Variants in USP9X observed in about 807,000 individuals in gnomAD.
USP9X encodes ubiquitin specific peptidase 9 X-linked.
A neutral mutation model predicts 190.3 loss-of-function variants in USP9X; 7 were observed. That is an observed-to-expected ratio of 0.04 (90% CI 0.02 to 0.07). The LOEUF is 0.07. Among genes scored for constraint, USP9X ranks in the 10% least tolerant of loss-of-function variants. USP9X has a pLI of 1.00. For missense variants in USP9X, 1,010 were observed against 1,916.9 expected (o/e 0.53, Z 8.83); for synonymous variants, 645 against 659.5 (o/e 0.98, Z 0.34).
At chrX:41,149,521 CTG>C (rs1397937443) in intron 12 of USP9X, among the ~76,000 whole-genome samples, 2 of 109,425 alleles carry the variant, frequency 1.8e-5, no homozygotes, top group Non-Finnish European at 3.8e-5. Context: ...CTTGCCAAAA[CTG>C]TTGTCAAAGT....
At chrX:41,115,221 CAA>C (rs752591677) in intron 1 of USP9X, among the ~76,000 whole-genome samples, 17 of 42,803 alleles carry the variant, frequency 4.0e-4, no homozygotes, top group Non-Finnish European at 2.7e-4. Flanking sequence ...ACTCCGTCTC[CAA>C]AAAAAAAAAA....
intron 21 of USP9X, among the ~76,000 whole-genome samples, chrX:41,176,059 C>A (rs1054043615): frequency 8.1e-5 from 9 of 111,021 alleles, no homozygotes; most frequent in African/African-American, 2.9e-4. Context: ...CCTGGCCAAA[C>A]TCTCTTTTCT....
At chrX:41,136,012 T>C (rs1378934713) in intron 5 of USP9X, among the ~76,000 whole-genome samples, 7 of 112,085 alleles carry the variant, frequency 6.2e-5, no homozygotes, top group Non-Finnish European at 1.1e-4. Context: ...ATTTCCCAAA[T>C]ATGACCATAG....
intron 6 of USP9X, among the ~76,000 whole-genome samples, chrX:41,139,861 C>T (rs756002853): frequency 9.0e-6 from 1 of 111,382 alleles, no homozygotes; most frequent in African/African-American, 3.3e-5. Context: ...AAAACATGGC[C>T]TAAATTTTAG....
At position 41,209,105 on chromosome X, in the gene USP9X, A is replaced by G. The variant is rs73480458; in HGVS notation, c.5016-1404A>G. Among the ~76,000 whole-genome samples, 404 of 111,821 alleles carry G rather than the reference A, an allele frequency of 3.6e-3. 2 individuals are homozygous for G. Among genetic ancestry groups the G allele is most frequent in the African/African-American group, 0.012 (374 of 30,818 alleles). On this transcript the variant is annotated intron_variant, in intron 32 of 44. Coordinates refer to ENST00000378308, the MANE Select transcript of USP9X (RefSeq NM_001039591.3). Reference sequence around the variant, plus strand: ...AGAGATCATATATCAGAATAAGGCAATTTTCCTACTTATGTATGATACAGT... The same window carrying G: ...AGAGATCATATATCAGAATAAGGCAGTTTTCCTACTTATGTATGATACAGT...
At chrX:41,181,597 C>T (rs1345936774) in intron 21 of USP9X, among the ~76,000 whole-genome samples, 3 of 107,945 alleles carry the variant, frequency 2.8e-5, no homozygotes, top group African/African-American at 3.4e-5. Context: ...TACAGATGGA[C>T]GCCACCACGC....
chrX:41,123,585 C>G lies in USP9X; in HGVS notation c.-44C>G, dbSNP rs1482541377. 3 of 1,116,665 alleles carry G rather than the reference C, an allele frequency of 2.7e-6. No homozygotes were observed. Among genetic ancestry groups the G allele is most frequent in the Non-Finnish European group, 3.7e-6 (3 of 812,541 alleles). 92.0% of individuals were successfully genotyped at this position (1,116,665 alleles called of 1,213,427 possible). A position where few individuals can be genotyped will look rare whatever the true frequency, so the allele number is the denominator to read the frequency against. The stretch of plus-strand genomic sequence containing the variant: ...ACTATAATTTCTTTTCTCAAGACAA[C>G]TACATAAGCAGACAAAATTGCAAAG... On this transcript the variant is annotated 5_prime_UTR_variant, in exon 2 of 45. Coordinates refer to ENST00000378308, the MANE Select transcript of USP9X (RefSeq NM_001039591.3).
At chrX:41,152,828 G>A (rs956123991) in intron 13 of USP9X, 120 bp from the exon 14 acceptor site, 104 of 717,111 alleles carry the variant, frequency 1.5e-4, no homozygotes, top group Non-Finnish European at 1.8e-4. Flanking sequence ...AGAAGTAAAT[G>A]TACAAAAGTA....
At chrX:41,148,810 G>A in intron 12 of USP9X, among the ~76,000 whole-genome samples, 1 of 112,247 alleles carries the variant, frequency 8.9e-6, no homozygotes, top group South Asian at 3.7e-4. Flanking sequence ...AGATTATACA[G>A]TGGTGGCATT....
At position 41,085,603 on chromosome X, in the gene USP9X, A is replaced by G. The variant is rs1457483155; in HGVS notation, c.-665A>G. Reference sequence around the variant, plus strand: ...TTACACAGCTCCCGGGCCTCGCGGGAGCCCGCCGCCGCCGCCTCTCTCTCA... The same window carrying G: ...TTACACAGCTCCCGGGCCTCGCGGGGGCCCGCCGCCGCCGCCTCTCTCTCA... On this transcript the variant is annotated 5_prime_UTR_variant, in exon 1 of 45. Coordinates refer to ENST00000378308, the MANE Select transcript of USP9X (RefSeq NM_001039591.3). 1.1e-5 allele frequency: 3 copies of G among 267,329 alleles called. No homozygotes were observed. The highest frequency in any genetic ancestry group is 9.0e-5 in the African/African-American group (3 of 33,235). The allele number at this position is 267,329 out of a possible 1,213,427, so 22.0% of individuals were successfully genotyped here. A position where few individuals can be genotyped will look rare whatever the true frequency, so the allele number is the denominator to read the frequency against.
At chrX:41,128,517 T>G (rs943095038) in intron 2 of USP9X, among the ~76,000 whole-genome samples, 10 of 112,025 alleles carry the variant, frequency 8.9e-5, no homozygotes, top group Non-Finnish European at 1.9e-4. Flanking sequence ...CATCATAAAC[T>G]TTCAATTATT....
At chrX:41,225,480 T>A (rs968920813) in intron 41 of USP9X, among the ~76,000 whole-genome samples, 1 of 112,160 alleles carries the variant, frequency 8.9e-6, no homozygotes, top group Non-Finnish European at 1.9e-5. Flanking sequence ...TGTTTTAGAA[T>A]TAGTCACTTG....
chrX:41,113,862 A>G (rs1488356454), intron 1 of USP9X, among the ~76,000 whole-genome samples: 1 of 113,027 alleles, frequency 8.8e-6, no homozygotes, highest in Admixed American at 9.3e-5. Context: ...ACATAAATCT[A>G]TTATAAATTT....
At chrX:41,099,096 G>GTTTTTTTTTTTTTTTTTTTTTTT (rs34179321) in intron 1 of USP9X, among the ~76,000 whole-genome samples, 2 of 44,274 alleles carry the variant, frequency 4.5e-5, no homozygotes, top group African/African-American at 2.0e-4. Context: ...CCAGATAATT[G>GTTTTTTTTTTTTTTTTTTTTTTT]TTTTTTTTTT....
At chrX:41,098,680 C>G (rs953558570) in intron 1 of USP9X, among the ~76,000 whole-genome samples, 10 of 108,402 alleles carry the variant, frequency 9.2e-5, no homozygotes, top group East Asian at 2.9e-4. Flanking sequence ...TTCAGCCTCC[C>G]GAGTAGCTGG....
chrX:41,087,544 C>G (rs2146898811), intron 1 of USP9X, among the ~76,000 whole-genome samples: 1 of 112,516 alleles, frequency 8.9e-6, no homozygotes, highest in Admixed American at 9.4e-5. Context: ...TGTCAACATT[C>G]GTTTTCTCAA....
chrX:41,129,818 G>T (rs1463661893), intron 3 of USP9X, among the ~76,000 whole-genome samples: 1 of 111,193 alleles, frequency 9.0e-6, no homozygotes, highest in Admixed American at 9.6e-5. Context: ...CTCCCCAAAA[G>T]GAAAGTAATG....
intron 2 of USP9X, among the ~76,000 whole-genome samples, chrX:41,126,584 G>T (rs2062255305): frequency 9.0e-6 from 1 of 111,580 alleles, no homozygotes; most frequent in African/African-American, 3.3e-5. Flanking sequence ...GAGCTCTTGG[G>T]TTTGTGATAT....
intron 3 of USP9X, among the ~76,000 whole-genome samples, chrX:41,130,333 A>T (rs760279270): frequency 1.7e-4 from 19 of 111,029 alleles, no homozygotes; most frequent in Non-Finnish European, 3.2e-4. Context: ...CCATAGCAGA[A>T]GGTTGTATTG....
Sources: allele counts gnomAD v4.1 joint callset (sites outside exome capture counted in the v4.1 genomes callset), GRCh38; gene constraint gnomAD v4.1.1; transcripts MANE v1.5; gene names NCBI Gene and HGNC (gene_info 2026-07-23, HGNC 2026-07-21).